The following LRP1B variants were observed in gnomAD, a reference collection of about 807,000 sequenced individuals.
The protein encoded by LRP1B is LDL receptor related protein 1B, also known as low-density lipoprotein receptor-related protein 1B.
In LRP1B, 217 loss-of-function variants were observed where a neutral mutation model predicts 556.6. That is an observed-to-expected ratio of 0.39 (90% confidence interval 0.35 to 0.44). The LOEUF is 0.44. LRP1B is among the 20% of genes least tolerant of loss of function. The pLI, the probability that LRP1B is intolerant of heterozygous loss-of-function variation, is 1.00. For missense variants in LRP1B, 5,053 were observed against 5,620.8 expected, an observed-to-expected ratio of 0.90 and a Z score of 3.23; for synonymous variants, 2,047 against 1,865.8, an observed-to-expected ratio of 1.10 and a Z score of -2.50.
chr2:140,677,408 G>A (rs1685708526), intron 41 of LRP1B, among the ~76,000 whole-genome samples: 1 of 152,126 alleles, frequency 6.6e-6, no homozygotes, highest in African/African-American at 2.4e-5. Context: ...TTAGTATAGA[G>A]GAGAAATGAG....
chr2:141,127,025 A>G (rs900070837), intron 7 of LRP1B, among the ~76,000 whole-genome samples: 1 of 151,408 alleles, frequency 6.6e-6, no homozygotes, highest in African/African-American at 2.4e-5. Context: ...TCACCCCACA[A>G]TAGGCCCCAG....
intron 7 of LRP1B, among the ~76,000 whole-genome samples, chr2:141,081,962 G>GTCAAAA (rs928516263): frequency 2.2e-4 from 33 of 152,034 alleles, no homozygotes; most frequent in African/African-American, 8.0e-4. Flanking sequence ...AATAGATACA[G>GTCAAAA]TATTGTCAAT....
At chr2:141,281,111 AT>A (rs1008902422) in intron 3 of LRP1B, among the ~76,000 whole-genome samples, 28 of 151,784 alleles carry the variant, frequency 1.8e-4, no homozygotes, top group African/African-American at 6.8e-4. Context: ...TATTTTATAG[AT>A]TGAGCTTTTT....
chr2:141,637,281 G>A (rs1296796784), intron 2 of LRP1B, among the ~76,000 whole-genome samples: 2 of 152,110 alleles, frequency 1.3e-5, no homozygotes, highest in African/African-American at 4.8e-5. Flanking sequence ...GGAATATCAA[G>A]AAATGCACAC....
intron 18 of LRP1B, among the ~76,000 whole-genome samples, chr2:140,962,632 C>A (rs1440634749): frequency 6.6e-6 from 1 of 152,176 alleles, no homozygotes; most frequent in Non-Finnish European, 1.5e-5. Flanking sequence ...GTCCTGATTT[C>A]ACTCACCTCA....
chr2:141,719,615 T>C (rs981162518), intron 2 of LRP1B, among the ~76,000 whole-genome samples: 6 of 152,050 alleles, frequency 3.9e-5, no homozygotes, highest in Admixed American at 2.6e-4. Flanking sequence ...TAGACATAAA[T>C]AGATAGAATG....
At chr2:141,693,209 G>A (rs1691611229) in intron 2 of LRP1B, among the ~76,000 whole-genome samples, 1 of 151,906 alleles carries the variant, frequency 6.6e-6, no homozygotes, top group Non-Finnish European at 1.5e-5. Flanking sequence ...TCAGCAATTA[G>A]CATTTTTTTC....
intron 77 of LRP1B, among the ~76,000 whole-genome samples, chr2:140,342,084 G>A (rs148047740): frequency 2.0e-5 from 3 of 151,574 alleles, no homozygotes; most frequent in African/African-American, 7.2e-5. Flanking sequence ...AGATGCTGGT[G>A]AGGCTATGTA....
intron 28 of LRP1B, 134 bp from the exon 29 acceptor site, chr2:140,850,463 G>A: frequency 1.8e-6 from 1 of 570,148 alleles, no homozygotes; most frequent in Non-Finnish European, 3.1e-6. Flanking sequence ...AAACAATGCA[G>A]TAACAATTTA....
chr2:141,503,333 G>T (rs62167894), intron 2 of LRP1B, among the ~76,000 whole-genome samples: 8,348 of 149,564 alleles, frequency 0.056, 270 homozygotes, highest in Non-Finnish European at 0.066. Flanking sequence ...ATATTTCCAG[G>T]AAACCTGGAC....
intron 7 of LRP1B, among the ~76,000 whole-genome samples, chr2:141,145,300 T>C (rs1315312986): frequency 6.6e-6 from 1 of 152,090 alleles, no homozygotes; most frequent in African/African-American, 2.4e-5. Flanking sequence ...CGTGTGCTAA[T>C]TATATCACAG....
chr2:141,010,074 G>C (rs1349138242), intron 14 of LRP1B, among the ~76,000 whole-genome samples: 2 of 151,934 alleles, frequency 1.3e-5, no homozygotes, highest in African/African-American at 2.4e-5. Context: ...CCACTTCCCT[G>C]TAGTTTTAAC....
At chr2:141,939,160 G>A (rs546324480) in intron 1 of LRP1B, among the ~76,000 whole-genome samples, 14 of 151,894 alleles carry the variant, frequency 9.2e-5, no homozygotes, top group African/African-American at 3.4e-4. Flanking sequence ...AAAAAACTAT[G>A]TGAGGAGATG....
At position 141,486,597 on chromosome 2, in the gene LRP1B, G is replaced by A. The variant is rs148386936; in HGVS notation, c.206-6064C>T. ...ACAGCATGACTTCTCCTTCCCCGCA[G>A]CTAACCTCTCTACCTTACACGGTAT... is the stretch of plus-strand genomic sequence containing the variant. On this transcript the variant is annotated intron_variant, in intron 2 of 90. Transcript: ENST00000389484. Among the ~76,000 whole-genome samples, 100 of 152,060 alleles carry A rather than the reference G, an allele frequency of 6.6e-4. No homozygotes were observed. The East Asian group carries it at 7.9e-3, about 12-fold the overall frequency.
intron 41 of LRP1B, among the ~76,000 whole-genome samples, chr2:140,640,390 T>C (rs866306784): frequency 6.4e-4 from 39 of 61,328 alleles, no homozygotes; most frequent in African/African-American, 2.0e-3. Context: ...TTTCTTTTTT[T>C]TTTTTTTTTT....
chr2:140,640,635 G>A (rs1432928684), intron 41 of LRP1B, among the ~76,000 whole-genome samples: 1 of 150,966 alleles, frequency 6.6e-6, no homozygotes, highest in Admixed American at 6.6e-5. Context: ...CGCCCACCTC[G>A]GCCTCCCAAA....
intron 11 of LRP1B, among the ~76,000 whole-genome samples, chr2:141,035,269 T>C (rs1347897808): frequency 6.6e-6 from 1 of 151,974 alleles, no homozygotes; most frequent in Non-Finnish European, 1.5e-5. Flanking sequence ...GACGAGTTAA[T>C]GGGTGCAGCA....
intron 2 of LRP1B, among the ~76,000 whole-genome samples, chr2:141,510,996 A>G (rs367811520): frequency 6.6e-6 from 1 of 151,936 alleles, no homozygotes; most frequent in East Asian, 1.9e-4. Context: ...AGTACTCATT[A>G]GACCCTCAGT....
intron 86 of LRP1B, among the ~76,000 whole-genome samples, chr2:140,252,333 GGTTCA>G (rs1681473794): frequency 6.6e-6 from 1 of 151,506 alleles, no homozygotes. Flanking sequence ...TGTTACATGA[GGTTCA>G]GTTAACACTA....
Sources: gnomAD v4.1 joint callset for allele counts (sites outside exome capture counted in the v4.1 genomes callset) on GRCh38, gnomAD v4.1.1 for gene constraint, MANE v1.5 for transcripts, NCBI Gene and HGNC (gene_info 2026-07-23, HGNC 2026-07-21) for gene names.